The following HTR2C variants were observed in gnomAD, a reference collection of about 807,000 sequenced individuals.
HTR2C encodes 5-hydroxytryptamine receptor 2C.
HTR2C carries 5 observed loss-of-function variants against 21.0 expected under a neutral mutation model. The observed-to-expected ratio is 0.24, with a 90% CI of 0.12 to 0.50. HTR2C has a LOEUF of 0.50. Ranked by LOEUF, HTR2C falls within the 20% of genes least tolerant of loss-of-function variation. The pLI, the probability that HTR2C is intolerant of heterozygous loss-of-function variation, is 0.98. For missense variants in HTR2C, 271 were observed against 371.2 expected, an observed-to-expected ratio of 0.73 and a Z score of 2.22; for synonymous variants, 150 against 145.3, an observed-to-expected ratio of 1.03 and a Z score of -0.23.
At chrX:114,847,338 C>CA in intron 4 of HTR2C, among the ~76,000 whole-genome samples, 1 of 97,002 alleles carries the variant, frequency 1.0e-5, no homozygotes, top group African/African-American at 3.8e-5. Context: ...ATCGCAAGGA[C>CA]AAAAAACCAA....
Position 114,610,778 on chromosome X carries a change from ATG to A in HTR2C, c.-146-3035_-146-3034del, listed in dbSNP as rs201589567. 5.9e-3 allele frequency among the ~76,000 whole-genome samples: 656 copies of A among 111,272 alleles called. 4 individuals are homozygous for A. Among genetic ancestry groups the A allele is most frequent in the African/African-American group, 0.02 (617 of 30,519 alleles). ...GAAATGACAGAGCGTTAATCATAAAATGTATCTCAAATTTATGTATAATTAGC... is the reference window on the plus strand; with the variant it reads ...GAAATGACAGAGCGTTAATCATAAAATATCTCAAATTTATGTATAATTAGC... On this transcript the variant is annotated intron_variant, in intron 1 of 5. Transcript: ENST00000276198.
intron 4 of HTR2C, among the ~76,000 whole-genome samples, chrX:114,825,839 A>G (rs2070673706): frequency 9.0e-6 from 1 of 111,626 alleles, no homozygotes; most frequent in South Asian, 3.7e-4. Context: ...TAAATGTATT[A>G]TAAACGTTTA....
At chrX:114,844,761 A>G (rs2070861469) in intron 4 of HTR2C, among the ~76,000 whole-genome samples, 1 of 112,055 alleles carries the variant, frequency 8.9e-6, no homozygotes. Flanking sequence ...GTTGTGAACA[A>G]CATCAACTAA....
chrX:114,895,988 C>CA (rs60421212), intron 5 of HTR2C, among the ~76,000 whole-genome samples: 3,754 of 87,971 alleles, frequency 0.043, 184 homozygotes, highest in African/African-American at 0.14. Flanking sequence ...GACTCTGTCT[C>CA]AAAAAAAAAA....
At chrX:114,777,229 T>C (rs1556438872) in intron 4 of HTR2C, among the ~76,000 whole-genome samples, 1 of 112,063 alleles carries the variant, frequency 8.9e-6, no homozygotes, top group Non-Finnish European at 1.9e-5. Flanking sequence ...TTTATATTTA[T>C]GTTCTAAGAC....
intron 4 of HTR2C, among the ~76,000 whole-genome samples, chrX:114,822,945 C>T (rs868911819): frequency 2.7e-5 from 3 of 111,505 alleles, no homozygotes; most frequent in South Asian, 3.8e-4. Context: ...ATTGCAGAGC[C>T]GCAGAGCCTA....
At chrX:114,671,920 A>G (rs1931391363) in intron 2 of HTR2C, among the ~76,000 whole-genome samples, 1 of 111,860 alleles carries the variant, frequency 8.9e-6, no homozygotes, top group African/African-American at 3.2e-5. Context: ...TGAGTCTAAT[A>G]TGCACTTGTC....
chrX:114,794,693 G>A (rs1318425947), intron 4 of HTR2C, among the ~76,000 whole-genome samples: 12 of 108,121 alleles, frequency 1.1e-4, no homozygotes, highest in South Asian at 8.4e-4. Flanking sequence ...ATGTCCCTAC[G>A]AAGGACATGA....
chrX:114,679,397 G>A (rs1210602403), intron 2 of HTR2C, among the ~76,000 whole-genome samples: 1 of 110,480 alleles, frequency 9.1e-6, no homozygotes, highest in Non-Finnish European at 1.9e-5. Flanking sequence ...TCTCGCCTCA[G>A]CCTCCTAAGT....
intron 2 of HTR2C, among the ~76,000 whole-genome samples, chrX:114,718,989 TAATATAATATATA>T (rs1481905465): frequency 6.3e-5 from 6 of 95,206 alleles, no homozygotes; most frequent in East Asian, 3.0e-4. Flanking sequence ...TATAATATAA[TAATATAATATATA>T]ATAATAATAT....
At chrX:114,742,164 C>A (rs1303158072) in intron 4 of HTR2C, among the ~76,000 whole-genome samples, 3 of 111,044 alleles carry the variant, frequency 2.7e-5, no homozygotes, top group African/African-American at 9.8e-5. Context: ...GCCAGCAGAC[C>A]AGAAAAAGAG....
intron 4 of HTR2C, among the ~76,000 whole-genome samples, chrX:114,789,468 C>T (rs190009702): frequency 4.5e-5 from 5 of 111,803 alleles, no homozygotes; most frequent in Non-Finnish European, 7.5e-5. Flanking sequence ...GTCATTAATT[C>T]TTTCTCAGTT....
At chrX:114,739,083 C>T (rs2069619538) in intron 4 of HTR2C, among the ~76,000 whole-genome samples, 1 of 109,859 alleles carries the variant, frequency 9.1e-6, no homozygotes. Context: ...AAACATTTGC[C>T]AAAATTTATA....
intron 5 of HTR2C, among the ~76,000 whole-genome samples, chrX:114,879,905 A>C (rs1245208760): frequency 3.6e-5 from 4 of 110,883 alleles, no homozygotes; most frequent in Non-Finnish European, 7.6e-5. Flanking sequence ...AACAAGCAAT[A>C]TCTTTTCATT....
chrX:114,872,630 T>C (rs2071101354), intron 5 of HTR2C, among the ~76,000 whole-genome samples: 1 of 111,303 alleles, frequency 9.0e-6, no homozygotes, highest in South Asian at 3.7e-4. Flanking sequence ...GTTGTTGATT[T>C]CTACTATTTT....
chrX:114,744,335 T>C (rs182852225), intron 4 of HTR2C, among the ~76,000 whole-genome samples: 6 of 107,164 alleles, frequency 5.6e-5, no homozygotes, highest in African/African-American at 2.0e-4. Flanking sequence ...AAACTAGAAA[T>C]GAAGAGCAAA....
intron 1 of HTR2C, among the ~76,000 whole-genome samples, chrX:114,611,952 C>A (rs1556398813): frequency 8.9e-6 from 1 of 111,903 alleles, no homozygotes; most frequent in Non-Finnish European, 1.9e-5. Flanking sequence ...CTGCCTTGGC[C>A]TCCCAAAGTG....
chrX:114,740,072 A>G (rs2069630097), intron 4 of HTR2C, among the ~76,000 whole-genome samples: 2 of 109,743 alleles, frequency 1.8e-5, no homozygotes, highest in Non-Finnish European at 3.8e-5. Flanking sequence ...TCATGCCACT[A>G]CACTCCAGCC....
intron 4 of HTR2C, among the ~76,000 whole-genome samples, chrX:114,792,088 T>C (rs981363678): frequency 2.7e-5 from 3 of 112,269 alleles, no homozygotes. Flanking sequence ...AATAATACTT[T>C]TCCATTTTTG....
Sources: gnomAD v4.1 joint callset for allele counts (sites outside exome capture counted in the v4.1 genomes callset) on GRCh38, gnomAD v4.1.1 for gene constraint, MANE v1.5 for transcripts, NCBI Gene and HGNC (gene_info 2026-07-23, HGNC 2026-07-21) for gene names.